The following TMEM74 variants were observed in gnomAD, a reference collection of about 807,000 sequenced individuals.
TMEM74 encodes transmembrane protein 74.
TMEM74 carries 13 observed loss-of-function variants against 18.1 expected under a neutral mutation model. That is an observed-to-expected ratio of 0.72 (90% CI 0.47 to 1.14). TMEM74 has a LOEUF of 1.14. TMEM74 is among the 50% of genes most tolerant of loss of function. The probability of loss-of-function intolerance (pLI) is 0.00; values close to 1 mark genes in which losing one functional copy is unlikely to be tolerated. For missense variants in TMEM74, 372 were observed against 375.9 expected, an observed-to-expected ratio of 0.99 and a Z score of 0.09; for synonymous variants, 159 against 146.6, an observed-to-expected ratio of 1.08 and a Z score of -0.61.
chr8:108,673,519 G>A (rs769434476), intron 1 of TMEM74, among the ~76,000 whole-genome samples: 1 of 152,182 alleles, frequency 6.6e-6, no homozygotes, highest in East Asian at 1.9e-4. Context: ...CATCTCTCAC[G>A]ATGGCAGGGA....
At chr8:108,772,929 C>A (rs1023541630) in intron 1 of TMEM74, among the ~76,000 whole-genome samples, 1 of 152,082 alleles carries the variant, frequency 6.6e-6, no homozygotes, top group African/African-American at 2.4e-5. Flanking sequence ...AATATGAGAA[C>A]TGGGGCCTGG....
Position 108,784,415 on chromosome 8 carries a change from C to A in TMEM74, c.684G>T (p.Leu228=). 1 of 1,614,132 alleles carries A rather than the reference C, an allele frequency of 6.2e-7. No homozygotes were observed. ...EKESARLGAH[L]DRCVIAGLCL... ...AGAGCCCCGCAATCACACAGCGGTC[C>A]AGGTGAGCCCCCAGCCTCGCACTCT... The change falls in exon 2 of 2, where the codon CTG becomes CTT. Residue 228 remains leucine (L), a synonymous_variant. Transcript: ENST00000297459.
chr8:108,658,957 T>G (rs2130579173), intron 1 of TMEM74, among the ~76,000 whole-genome samples: 1 of 152,188 alleles, frequency 6.6e-6, no homozygotes, highest in South Asian at 2.1e-4. Flanking sequence ...CGATGATAGC[T>G]AGAAGATGGC....
In TMEM74 at chr8:108,784,826, G is replaced by A. The variant is rs61753733; in HGVS notation, c.273C>T (p.Asn91=). Residue 91 remains asparagine, a synonymous_variant, in exon 2 of 2, where the codon AAC becomes AAT. Transcript: ENST00000297459. ...FPPGLLHSGN[N]QITAERKVCN... is the part of the protein sequence containing the mutation. Reference sequence around the variant, plus strand: ...AGACTTTCCGTTCCGCTGTTATTTGGTTGTTCCCTGAGTGGAGAAGTCCTG... The same window carrying A: ...AGACTTTCCGTTCCGCTGTTATTTGATTGTTCCCTGAGTGGAGAAGTCCTG... 5,974 of 1,614,174 alleles carry A rather than the reference G, an allele frequency of 3.7e-3. 190 individuals carry two copies. In the African/African-American group the frequency reaches 0.07, roughly 19 times the overall value.
At chr8:108,670,107 C>G (rs1812989274) in intron 1 of TMEM74, among the ~76,000 whole-genome samples, 1 of 146,038 alleles carries the variant, frequency 6.8e-6, no homozygotes, top group South Asian at 2.2e-4. Flanking sequence ...TTTTTCTGTA[C>G]TCAGGAAAAC....
intron 1 of TMEM74, among the ~76,000 whole-genome samples, chr8:108,738,818 CA>C (rs1813772197): frequency 6.6e-6 from 1 of 152,158 alleles, no homozygotes. Context: ...ACTGGCAGGG[CA>C]ACTCCTGTCA....
intron 1 of TMEM74, among the ~76,000 whole-genome samples, chr8:108,741,849 T>C (rs1193821290): frequency 1.3e-5 from 2 of 152,124 alleles, no homozygotes; most frequent in African/African-American, 4.8e-5. Flanking sequence ...TTTGGCCTAC[T>C]AGAATTTTGT....
At chr8:108,717,965 T>G (rs1337089866) in intron 1 of TMEM74, among the ~76,000 whole-genome samples, 1 of 57,884 alleles carries the variant, frequency 1.7e-5, no homozygotes, top group African/African-American at 2.3e-4. Context: ...TTTTTTTTTT[T>G]TTTTTTTTTT....
intron 2 of TMEM74, among the ~76,000 whole-genome samples, chr8:108,629,380 G>A (rs1043460880): frequency 2.6e-5 from 4 of 152,010 alleles, no homozygotes; most frequent in African/African-American, 7.2e-5. Flanking sequence ...AAAGTGACAG[G>A]GAGAATGGAA....
At chr8:108,671,899 G>T (rs1448591144) in intron 1 of TMEM74, among the ~76,000 whole-genome samples, 1 of 152,210 alleles carries the variant, frequency 6.6e-6, no homozygotes, top group Non-Finnish European at 1.5e-5. Context: ...AGTTAGCCTA[G>T]TGCCAGGATG....
chr8:108,720,925 C>G (rs773266729), intron 1 of TMEM74, among the ~76,000 whole-genome samples: 1 of 152,004 alleles, frequency 6.6e-6, no homozygotes, highest in Non-Finnish European at 1.5e-5. Context: ...TCCACCACCA[C>G]GCTTGGCTAA....
chr8:108,679,749 T>G (rs1813093479), intron 1 of TMEM74, among the ~76,000 whole-genome samples: 1 of 152,182 alleles, frequency 6.6e-6, no homozygotes, highest in Non-Finnish European at 1.5e-5. Flanking sequence ...CTCTTGAGTT[T>G]AATTAGATCC....
chr8:108,719,859 C>T (rs1813568814), intron 1 of TMEM74, among the ~76,000 whole-genome samples: 1 of 152,106 alleles, frequency 6.6e-6, no homozygotes, highest in South Asian at 2.1e-4. Flanking sequence ...TTCCTCTAAA[C>T]AGGTTATACC....
chr8:108,708,809 C>CAAAAAAAAAAAAAA (rs71564016), intron 1 of TMEM74, among the ~76,000 whole-genome samples: 1 of 17,934 alleles, frequency 5.6e-5, no homozygotes, highest in Non-Finnish European at 8.4e-5. Flanking sequence ...AACTCAATAG[C>CAAAAAAAAAAAAAA]AAAAAAAAAA....
intron 1 of TMEM74, among the ~76,000 whole-genome samples, chr8:108,719,536 G>A (rs1260586981): frequency 6.6e-6 from 1 of 151,998 alleles, no homozygotes; most frequent in Non-Finnish European, 1.5e-5. Context: ...GGAGGATACA[G>A]TTTTTCAGAT....
At chr8:108,719,746 A>G (rs1813567860) in intron 1 of TMEM74, among the ~76,000 whole-genome samples, 1 of 152,138 alleles carries the variant, frequency 6.6e-6, no homozygotes, top group African/African-American at 2.4e-5. Flanking sequence ...TGTATCATCA[A>G]AGTTTCTTTG....
At chr8:108,643,901 A>T (rs1423303068) in intron 2 of TMEM74, among the ~76,000 whole-genome samples, 1 of 152,166 alleles carries the variant, frequency 6.6e-6, no homozygotes, top group Non-Finnish European at 1.5e-5. Flanking sequence ...AGAAAAATCA[A>T]TGTTGTTAAA....
Position 108,770,464 on chromosome 8 carries a change from A to C in TMEM74, n.119+17012T>G, listed in dbSNP as rs536595831. On this transcript the variant is annotated intron_variant and non_coding_transcript_variant, in intron 1 of 3. Coordinates refer to the TMEM74 transcript ENST00000518838. Reference sequence around the variant, plus strand: ...TAATGACACAAAACCTAAACTCATAAAAACCCCAAAAGAAAAGGAAGGAAA... The same window carrying C: ...TAATGACACAAAACCTAAACTCATACAAACCCCAAAAGAAAAGGAAGGAAA... Among the ~76,000 whole-genome samples, 3 of 152,334 alleles carry C rather than the reference A, an allele frequency of 2.0e-5. No individual in the cohort carries two copies. The East Asian group carries it at 5.8e-4, about 29-fold the overall frequency.
chr8:108,698,459 G>A (rs563883758), intron 1 of TMEM74, among the ~76,000 whole-genome samples: 26 of 152,250 alleles, frequency 1.7e-4, no homozygotes, highest in East Asian at 1.9e-4. Flanking sequence ...ACATAATTAC[G>A]TTATTTAATT....
Sources: allele counts gnomAD v4.1 joint callset (sites outside exome capture counted in the v4.1 genomes callset), GRCh38; gene constraint gnomAD v4.1.1; transcripts MANE v1.5; gene names NCBI Gene and HGNC (gene_info 2026-07-23, HGNC 2026-07-21).